Variants in NBAS observed in about 807,000 individuals in gnomAD.
The protein encoded by NBAS is NAG/BC035112 fusion.
NBAS carries 219 observed loss-of-function variants against 302.5 expected under a neutral mutation model. The observed-to-expected ratio is 0.72, with a 90% CI of 0.65 to 0.81. NBAS has a LOEUF of 0.81. Ranked by LOEUF, NBAS falls within the 30% of genes least tolerant of loss-of-function variation. NBAS has a pLI of 0.00. For missense variants in NBAS, 2,932 were observed against 2,841.6 expected (o/e 1.03, Z -0.72); for synonymous variants, 1,118 against 1,021.6 (o/e 1.09, Z -1.80).
chr2:15,180,735 G>A (rs1241701284), intron 50 of NBAS, among the ~76,000 whole-genome samples: 1 of 152,192 alleles, frequency 6.6e-6, no homozygotes, highest in Non-Finnish European at 1.5e-5. Context: ...TAGTGCAACC[G>A]AGGAACTGCA....
rs530350828 is a variant in NBAS, at chr2:15,179,213, G to A, written c.6712-97C>T. On this transcript the variant is annotated intron_variant, in intron 50 of 51. Coordinates refer to ENST00000281513, the MANE Select transcript of NBAS (RefSeq NM_015909.4). ...ATTCCACCCCTTTTTCTGTGGTAGC[G>A]TGTGTGTGTGTGTGTAAAGCCACAT... 3.1e-5 allele frequency: 30 copies of A among 961,374 alleles called. No individual in the cohort carries two copies. The East Asian group carries it at 8.4e-4, about 27-fold the overall frequency. The allele number at this position is 961,374 out of a possible 1,614,324, so 59.6% of individuals were successfully genotyped here. A position where few individuals can be genotyped will look rare whatever the true frequency, so the allele number is the denominator to read the frequency against.
intron 44 of NBAS, among the ~76,000 whole-genome samples, chr2:15,264,181 T>C (rs1668972411): frequency 6.6e-6 from 1 of 152,198 alleles, no homozygotes. Flanking sequence ...AGCACTGTAG[T>C]AGGGAGGTTA....
the NBAS span, among the ~76,000 whole-genome samples, chr2:15,097,720 C>G: frequency 6.6e-5 from 10 of 150,872 alleles, no homozygotes; most frequent in Non-Finnish European, 1.5e-4. Context: ...CCTAATCATC[C>G]CCAAAGGCCC....
chr2:15,156,832 C>A, the NBAS span, among the ~76,000 whole-genome samples: 1 of 152,224 alleles, frequency 6.6e-6, no homozygotes, highest in Non-Finnish European at 1.5e-5. Context: ...ACAAACCCTA[C>A]TGAACATAAT....
At chr2:15,181,812 T>C (rs1012626678) in intron 50 of NBAS, among the ~76,000 whole-genome samples, 3 of 152,216 alleles carry the variant, frequency 2.0e-5, no homozygotes, top group African/African-American at 7.2e-5. Flanking sequence ...ACAACTCTCC[T>C]ACTGTCCCTG....
intron 38 of NBAS, among the ~76,000 whole-genome samples, chr2:15,320,803 A>G (rs1671768118): frequency 6.6e-6 from 1 of 152,240 alleles, no homozygotes; most frequent in African/African-American, 2.4e-5. Flanking sequence ...CAATATAGTG[A>G]AAATGGCCAT....
intron 26 of NBAS, chr2:15,397,595 A>G (rs1675927434): frequency 1.6e-6 from 1 of 617,234 alleles, no homozygotes; most frequent in Admixed American, 1.9e-5. Flanking sequence ...CTTGGGAAGC[A>G]CATAGGTTTC....
the NBAS span, among the ~76,000 whole-genome samples, chr2:14,997,766 C>T: frequency 6.6e-6 from 1 of 152,154 alleles, no homozygotes; most frequent in South Asian, 2.1e-4. Context: ...CCAACATCTC[C>T]TCATTTCCCC....
the NBAS span, among the ~76,000 whole-genome samples, chr2:15,066,952 C>T: frequency 6.6e-5 from 10 of 152,006 alleles, no homozygotes; most frequent in Non-Finnish European, 1.3e-4. Context: ...AGGAATCAAC[C>T]TAAGTGTCCA....
At chr2:14,972,901 C>T in the NBAS span, among the ~76,000 whole-genome samples, 2 of 152,164 alleles carry the variant, frequency 1.3e-5, no homozygotes, top group African/African-American at 4.8e-5. Flanking sequence ...TTTCCAAAAC[C>T]AAGAATAATA....
chr2:15,276,835 GA>G lies in NBAS; in HGVS notation c.5389+15del. The G allele has an allele frequency of 1.2e-6, 2 of 1,613,950 alleles. No homozygotes were observed. Among genetic ancestry groups the G allele is most frequent in the Non-Finnish European group, 1.7e-6 (2 of 1,179,886 alleles). On this transcript the variant is annotated intron_variant, in intron 43 of 51. Coordinates refer to ENST00000281513, the MANE Select transcript of NBAS (RefSeq NM_015909.4). ...ATTGAAAAGAATGAATTCAAGCAGGGAAACAACCATCCTACCTGATGCAACA... is the reference window on the plus strand; with the variant it reads ...ATTGAAAAGAATGAATTCAAGCAGGGAACAACCATCCTACCTGATGCAACA...
intron 51 of NBAS, among the ~76,000 whole-genome samples, chr2:15,170,271 G>A (rs559766685): frequency 6.6e-6 from 1 of 152,218 alleles, no homozygotes; most frequent in South Asian, 2.1e-4. Context: ...AATCCTTCCC[G>A]TGTTTCTGGC....
the NBAS span, among the ~76,000 whole-genome samples, chr2:14,964,670 T>C: frequency 1.3e-5 from 2 of 152,130 alleles, no homozygotes; most frequent in Non-Finnish European, 2.9e-5. Flanking sequence ...ATAGGAAGAA[T>C]ATAGATGGCT....
the NBAS span, among the ~76,000 whole-genome samples, chr2:15,041,943 T>C: frequency 1.3e-5 from 2 of 152,238 alleles, no homozygotes; most frequent in African/African-American, 4.8e-5. Context: ...AAGTAGGCTT[T>C]GGAGCAGACT....
chr2:15,152,603 G>A, the NBAS span, among the ~76,000 whole-genome samples: 1 of 152,268 alleles, frequency 6.6e-6, no homozygotes, highest in Non-Finnish European at 1.5e-5. Flanking sequence ...AGCCTGTGTC[G>A]GCATCCCACT....
At chr2:15,386,166 T>C (rs1558292586) in intron 28 of NBAS, among the ~76,000 whole-genome samples, 1 of 152,188 alleles carries the variant, frequency 6.6e-6, no homozygotes, top group Non-Finnish European at 1.5e-5. Flanking sequence ...CATGTGTTAA[T>C]GACTGTAGTA....
chr2:14,918,222 TC>T, the NBAS span, among the ~76,000 whole-genome samples: 4 of 151,086 alleles, frequency 2.6e-5, no homozygotes, highest in South Asian at 6.2e-4. Flanking sequence ...TAAGAGATTA[TC>T]AAGTACGTAC....
At chr2:15,236,988 A>C (rs998368434) in intron 45 of NBAS, among the ~76,000 whole-genome samples, 1 of 152,170 alleles carries the variant, frequency 6.6e-6, no homozygotes, top group African/African-American at 2.4e-5. Flanking sequence ...CATTACCTGA[A>C]GTCTCCACTG....
intron 35 of NBAS, among the ~76,000 whole-genome samples, chr2:15,346,933 T>TA (rs1673119111): frequency 6.6e-6 from 1 of 152,174 alleles, no homozygotes; most frequent in Admixed American, 6.5e-5. Flanking sequence ...TTCTCACTCA[T>TA]AAGTGAGAGA....
Sources: allele counts gnomAD v4.1 joint callset (sites outside exome capture counted in the v4.1 genomes callset), GRCh38; gene constraint gnomAD v4.1.1; transcripts MANE v1.5; gene names NCBI Gene and HGNC (gene_info 2026-07-23, HGNC 2026-07-21).